MTUS2: variants seen among roughly 807,000 people sequenced by gnomAD.
MTUS2 encodes the protein microtubule associated scaffold protein 2.
Under a neutral mutation model 114.1 loss-of-function variants are expected in MTUS2, and 40 were observed. The observed-to-expected ratio is 0.35, with a 90% CI of 0.27 to 0.46. The LOEUF is 0.46. Among genes scored for constraint, MTUS2 ranks in the 20% least tolerant of loss-of-function variants. The probability of loss-of-function intolerance (pLI) is 1.00; values close to 1 mark genes in which losing one functional copy is unlikely to be tolerated. For missense variants in MTUS2, 1,679 were observed against 1,705.4 expected, an observed-to-expected ratio of 0.98 and a Z score of 0.27; for synonymous variants, 688 against 672.0, an observed-to-expected ratio of 1.02 and a Z score of -0.37.
chr13:29,415,119 A>G (rs533353166), intron 8 of MTUS2, among the ~76,000 whole-genome samples: 1 of 151,394 alleles, frequency 6.6e-6, no homozygotes, highest in Admixed American at 6.6e-5. Context: ...TTTGGTTAAT[A>G]ATTTCTTTTT....
intron 8 of MTUS2, among the ~76,000 whole-genome samples, chr13:29,363,123 G>A (rs569324671): frequency 1.3e-5 from 2 of 151,994 alleles, no homozygotes; most frequent in Admixed American, 6.6e-5. Flanking sequence ...CGCTCCTTAG[G>A]GTCAGGTTGA....
intron 6 of MTUS2, among the ~76,000 whole-genome samples, chr13:29,289,512 G>T (rs1038891773): frequency 2.7e-5 from 4 of 148,936 alleles, no homozygotes; most frequent in Non-Finnish European, 4.4e-5. Flanking sequence ...GCCCAGGCTG[G>T]AGTGCAGTGG....
chr13:29,023,046 A>T (rs996166180), intron 2 of MTUS2, among the ~76,000 whole-genome samples: 1 of 152,232 alleles, frequency 6.6e-6, no homozygotes, highest in Non-Finnish European at 1.5e-5. Flanking sequence ...CAAATCCATC[A>T]TTATAGGATG....
At chr13:29,071,235 C>G (rs554020447) in intron 4 of MTUS2, among the ~76,000 whole-genome samples, 1 of 151,032 alleles carries the variant, frequency 6.6e-6, no homozygotes, top group Non-Finnish European at 1.5e-5. Flanking sequence ...CTCCTGACCT[C>G]GTGATCCTCC....
intron 14 of MTUS2, among the ~76,000 whole-genome samples, chr13:29,500,270 C>A (rs1882800322): frequency 6.6e-6 from 1 of 152,214 alleles, no homozygotes; most frequent in Non-Finnish European, 1.5e-5. Context: ...AGAGCGGGGA[C>A]AGAGGCCAGT....
intron 5 of MTUS2, among the ~76,000 whole-genome samples, chr13:29,270,223 T>C (rs1032240138): frequency 1.3e-5 from 2 of 152,148 alleles, no homozygotes; most frequent in Admixed American, 1.3e-4. Flanking sequence ...ACCACCATTT[T>C]AAAAATGCCT....
intron 2 of MTUS2, among the ~76,000 whole-genome samples, chr13:28,963,358 A>G (rs1429181942): frequency 6.6e-6 from 1 of 152,226 alleles, no homozygotes; most frequent in Non-Finnish European, 1.5e-5. Flanking sequence ...CTCAAAAAAC[A>G]AAAACAAAAC....
At chr13:29,037,799 G>A (rs1593408322) in intron 4 of MTUS2, among the ~76,000 whole-genome samples, 1 of 151,972 alleles carries the variant, frequency 6.6e-6, no homozygotes, top group Admixed American at 6.6e-5. Flanking sequence ...CCACTTGATC[G>A]ATTCAGCTAT....
At chr13:28,851,485 A>G (rs907455500) in intron 2 of MTUS2, among the ~76,000 whole-genome samples, 14 of 152,342 alleles carry the variant, frequency 9.2e-5, no homozygotes, top group South Asian at 4.1e-4. Context: ...CTGAGTGACT[A>G]CAACATAGTG....
chr13:28,905,485 G>A (rs2137980767), intron 2 of MTUS2, among the ~76,000 whole-genome samples: 1 of 151,704 alleles, frequency 6.6e-6, no homozygotes, highest in South Asian at 2.1e-4. Flanking sequence ...TTTTGTCAAA[G>A]GCCTTTTCTG....
intron 6 of MTUS2, among the ~76,000 whole-genome samples, chr13:29,306,292 A>G (rs140217596): frequency 8.8e-4 from 134 of 152,332 alleles, no homozygotes; most frequent in Middle Eastern, 3.4e-3. Context: ...AGCCAGGGCA[A>G]TCAGGCAAGA....
chr13:29,491,018 TATG>T (rs1882027214), intron 11 of MTUS2, among the ~76,000 whole-genome samples: 1 of 134,222 alleles, frequency 7.5e-6, no homozygotes, highest in Non-Finnish European at 1.6e-5. Context: ...GTGTGGGAGG[TATG>T]GGGGGATGCG....
chr13:29,157,289 C>T lies in MTUS2; in HGVS notation c.2644+56319C>T, dbSNP rs112846546. 5.3e-5 allele frequency among the ~76,000 whole-genome samples: 8 copies of T among 152,198 alleles called. No homozygotes were observed. The South Asian group carries it at 6.2e-4, about 12-fold the overall frequency. ...ACCACTAGTAGAGTTAGCAAAATGCCGTCAAAGTAGTGCTAACAATTTGCA... is the reference window on the plus strand; with the variant it reads ...ACCACTAGTAGAGTTAGCAAAATGCTGTCAAAGTAGTGCTAACAATTTGCA... On this transcript the variant is annotated intron_variant, in intron 5 of 15. Coordinates refer to ENST00000612955, the MANE Select transcript of MTUS2 (RefSeq NM_001033602.4).
intron 7 of MTUS2, among the ~76,000 whole-genome samples, chr13:29,358,107 G>T (rs957848470): frequency 6.6e-6 from 1 of 152,160 alleles, no homozygotes; most frequent in Non-Finnish European, 1.5e-5. Flanking sequence ...CAGTGTCTGT[G>T]TCATGTCCTC....
chr13:29,428,853 G>T (rs1040442133), intron 8 of MTUS2: 2 of 1,613,958 alleles, frequency 1.2e-6, no homozygotes. Flanking sequence ...ATGGGCCATT[G>T]CTGCTGCAAG....
chr13:29,091,177 G>C (rs1889930092), intron 4 of MTUS2, among the ~76,000 whole-genome samples: 2 of 151,926 alleles, frequency 1.3e-5, no homozygotes, highest in Admixed American at 6.6e-5. Context: ...TACTCAATAG[G>C]TTCTGTCTCT....
At chr13:29,448,970 T>C (rs1413580158) in intron 9 of MTUS2, among the ~76,000 whole-genome samples, 1 of 152,008 alleles carries the variant, frequency 6.6e-6, no homozygotes, top group Non-Finnish European at 1.5e-5. Flanking sequence ...GCCAGGCTGG[T>C]CTTGAACTCC....
intron 4 of MTUS2, among the ~76,000 whole-genome samples, chr13:29,050,657 T>C (rs1053911043): frequency 2.6e-5 from 4 of 152,226 alleles, no homozygotes; most frequent in Non-Finnish European, 4.4e-5. Context: ...TCTTTCACTC[T>C]GGTTCTACCC....
chr13:29,487,631 G>A, intron 10 of MTUS2: 1 of 490,696 alleles, frequency 2.0e-6, no homozygotes, highest in Admixed American at 3.4e-5. Flanking sequence ...GGATGGTCCA[G>A]GAGCCACACT....
Sources: gnomAD v4.1 joint callset for allele counts (sites outside exome capture counted in the v4.1 genomes callset) on GRCh38, gnomAD v4.1.1 for gene constraint, MANE v1.5 for transcripts, NCBI Gene and HGNC (gene_info 2026-07-23, HGNC 2026-07-21) for gene names.